HACE1: variants seen among roughly 807,000 people sequenced by gnomAD.
HACE1 encodes E3 ubiquitin-protein ligase HACE1.
In HACE1, 73 loss-of-function variants were observed where a neutral mutation model predicts 118.4. The ratio of observed to expected loss-of-function variants is 0.62; its 90% CI spans 0.51 to 0.75. The LOEUF is 0.75. HACE1 is among the 30% of genes least tolerant of loss of function. The probability of loss-of-function intolerance (pLI) is 0.00; values close to 1 mark genes in which losing one functional copy is unlikely to be tolerated. For missense variants in HACE1, 749 were observed against 1,102.2 expected, an observed-to-expected ratio of 0.68 and a Z score of 4.54; for synonymous variants, 368 against 374.8, an observed-to-expected ratio of 0.98 and a Z score of 0.21.
intron 1 of HACE1, 110 bp downstream of exon 1, chr6:104,859,457 T>A: frequency 1.2e-6 from 1 of 853,720 alleles, no homozygotes; most frequent in Non-Finnish European, 1.7e-6. Context: ...AAAGTGGGCG[T>A]TTTCTCAGCT....
rs547301953 is a variant in HACE1, at chr6:104,738,019, C to T, written c.2513+6141G>A. ...CTGCCTCAAGTGGGTCCCTGACCCCCGAGCAGCCTAACTGGGAGGCACCCC... is the reference window on the plus strand; with the variant it reads ...CTGCCTCAAGTGGGTCCCTGACCCCTGAGCAGCCTAACTGGGAGGCACCCC... On this transcript the variant is annotated intron_variant, in intron 22 of 23. Coordinates refer to ENST00000262903, the MANE Select transcript of HACE1 (RefSeq NM_020771.4). Among the ~76,000 whole-genome samples the T allele has an allele frequency of 2.2e-3, 332 of 152,046 alleles. 5 individuals carry two copies. Among genetic ancestry groups the T allele is most frequent in the Non-Finnish European group, 2.6e-3 (177 of 67,952 alleles).
intron 6 of HACE1, among the ~76,000 whole-genome samples, chr6:104,814,306 G>A (rs12209716): frequency 0.42 from 57,500 of 135,618 alleles, 19,008 homozygotes; most frequent in African/African-American, 0.68. Flanking sequence ...TCAGGGATAA[G>A]AGATTCCAGA....
chr6:104,734,542 C>G (rs1442487174), intron 22 of HACE1, among the ~76,000 whole-genome samples: 1 of 152,116 alleles, frequency 6.6e-6, no homozygotes, highest in South Asian at 2.1e-4. Flanking sequence ...AGTTTGAACT[C>G]AAAATATAGA....
chr6:104,774,002 A>G (rs1780908765), intron 17 of HACE1, among the ~76,000 whole-genome samples: 1 of 151,872 alleles, frequency 6.6e-6, no homozygotes, highest in Admixed American at 6.6e-5. Flanking sequence ...TCTATATGCC[A>G]GGCACCAACT....
intron 6 of HACE1, among the ~76,000 whole-genome samples, chr6:104,818,509 A>G (rs1772345771): frequency 6.6e-6 from 1 of 152,118 alleles, no homozygotes; most frequent in Non-Finnish European, 1.5e-5. Flanking sequence ...AAAAATTGAG[A>G]AGGGACTATT....
At chr6:104,773,068 A>T (rs1371390397) in intron 17 of HACE1, among the ~76,000 whole-genome samples, 43 of 152,198 alleles carry the variant, frequency 2.8e-4, no homozygotes, top group Admixed American at 2.8e-3. Flanking sequence ...TACTAGTTAA[A>T]AGTTAAAACC....
chr6:104,771,244 C>T lies in HACE1; in HGVS notation c.2160G>A (p.Glu720=). 6.2e-7 allele frequency: 1 copy of T among 1,613,696 alleles called. No homozygotes were observed. Among genetic ancestry groups the T allele is most frequent in the Non-Finnish European group, 8.5e-7 (1 of 1,179,658 alleles). ...TCCCACCCCCAGGTTTCAAAGGCAC[C>T]TCTTCCATTGCTCCAAACACATCAG... is the stretch of plus-strand genomic sequence containing the variant. ...VETDVFGAME[E]VPLKPGGGSI... Residue 720 remains glutamate (E), a synonymous_variant, in exon 19 of 24, where the codon GAG becomes GAA. Transcript: ENST00000262903.
chr6:104,793,607 T>C (rs557966128), intron 10 of HACE1, among the ~76,000 whole-genome samples: 19 of 152,350 alleles, frequency 1.2e-4, no homozygotes, highest in African/African-American at 4.3e-4. Context: ...AATTAACATA[T>C]ATTTGAATCA....
intron 10 of HACE1, among the ~76,000 whole-genome samples, chr6:104,793,762 CA>C (rs1283888127): frequency 6.6e-6 from 1 of 152,098 alleles, no homozygotes; most frequent in East Asian, 1.9e-4. Context: ...CAGGGGGAAA[CA>C]ATTTGTATTT....
intron 1 of HACE1, among the ~76,000 whole-genome samples, chr6:104,857,798 A>G (rs1287964759): frequency 1.3e-5 from 2 of 152,154 alleles, no homozygotes; most frequent in Admixed American, 6.5e-5. Flanking sequence ...TCTACTAAAA[A>G]TACAAAAAAT....
chr6:104,788,590 T>C (rs981091749), intron 11 of HACE1, among the ~76,000 whole-genome samples: 2 of 152,146 alleles, frequency 1.3e-5, no homozygotes, highest in African/African-American at 4.8e-5. Context: ...ATCTTGAAGT[T>C]AAAAGTTTCA....
At chr6:104,829,178 A>G (rs1461395947) in intron 6 of HACE1, among the ~76,000 whole-genome samples, 4 of 152,144 alleles carry the variant, frequency 2.6e-5, no homozygotes, top group African/African-American at 7.2e-5. Context: ...TCTGAACAAC[A>G]AAAAGGCCAT....
At chr6:104,736,487 G>A (rs981990839) in intron 22 of HACE1, among the ~76,000 whole-genome samples, 1 of 151,966 alleles carries the variant, frequency 6.6e-6, no homozygotes, top group South Asian at 2.1e-4. Flanking sequence ...TCGCCATGTT[G>A]CCCAGGCTGG....
chr6:104,776,677 G>A, intron 17 of HACE1, 64 bp downstream of exon 17: 1 of 945,660 alleles, frequency 1.1e-6, no homozygotes, highest in Admixed American at 1.7e-5. Context: ...AAAATAAAAT[G>A]TACTGAAATA....
chr6:104,846,065 G>A (rs553668480), intron 4 of HACE1, among the ~76,000 whole-genome samples: 89 of 152,290 alleles, frequency 5.8e-4, no homozygotes, highest in African/African-American at 2.1e-3. Flanking sequence ...AGTGTTTATG[G>A]TAGGGGTTGT....
chr6:104,849,734 C>T (rs1181236110), intron 3 of HACE1, among the ~76,000 whole-genome samples: 5 of 150,276 alleles, frequency 3.3e-5, no homozygotes, highest in South Asian at 2.1e-4. Flanking sequence ...CTGCAAGCTC[C>T]GCCTCCCGGG....
At chr6:104,817,769 G>A (rs1022627347) in intron 6 of HACE1, among the ~76,000 whole-genome samples, 2 of 152,122 alleles carry the variant, frequency 1.3e-5, no homozygotes, top group East Asian at 1.9e-4. Context: ...AAAAAAGAAC[G>A]TTATTACAGT....
At chr6:104,752,733 TTTTA>T (rs1435325216) in intron 19 of HACE1, among the ~76,000 whole-genome samples, 1 of 152,102 alleles carries the variant, frequency 6.6e-6, no homozygotes, top group Non-Finnish European at 1.5e-5. Context: ...TCCTCCTACA[TTTTA>T]TTTTTTAATT....
chr6:104,829,088 C>G lies in HACE1; in HGVS notation c.534+3954G>C, dbSNP rs554094361. Among the ~76,000 whole-genome samples, 3 of 151,924 alleles carry G rather than the reference C, an allele frequency of 2.0e-5. No homozygotes were observed. In the East Asian group the frequency reaches 5.8e-4, roughly 29 times the overall value. On this transcript the variant is annotated intron_variant, in intron 6 of 23. Coordinates refer to ENST00000262903, the MANE Select transcript of HACE1 (RefSeq NM_020771.4). Reference sequence around the variant, plus strand: ...TTTTATTCTATAAAATATATATAATCAGAATTATGTAAGCTCCTAAGCTTA... The same window carrying G: ...TTTTATTCTATAAAATATATATAATGAGAATTATGTAAGCTCCTAAGCTTA...
Sources: allele counts gnomAD v4.1 joint callset (sites outside exome capture counted in the v4.1 genomes callset), GRCh38; gene constraint gnomAD v4.1.1; transcripts MANE v1.5; gene names NCBI Gene and HGNC (gene_info 2026-07-23, HGNC 2026-07-21).